The following SLC6A13 variants were observed in gnomAD, a reference collection of about 807,000 sequenced individuals.
SLC6A13 encodes the protein solute carrier family 6 member 13, also known as sodium- and chloride-dependent GABA transporter 2.
SLC6A13 carries 69 observed loss-of-function variants against 72.9 expected under a neutral mutation model. The observed-to-expected ratio is 0.95, with a 90% CI of 0.78 to 1.16. The LOEUF is 1.16. Among genes scored for constraint, SLC6A13 ranks in the 50% most tolerant of loss-of-function variants. The pLI, the probability that SLC6A13 is intolerant of heterozygous loss-of-function variation, is 0.00. For synonymous variants in SLC6A13, 303 were observed against 303.0 expected (o/e 1.00, Z 0.00); for missense variants, 735 against 760.5 (o/e 0.97, Z 0.39).
chr12:260,200 CT>C, intron 1 of SLC6A13, 143 bp from the exon 2 acceptor site: 1 of 821,976 alleles, frequency 1.2e-6, no homozygotes, highest in Non-Finnish European at 1.9e-6. Context: ...CCATGTCCTC[CT>C]TAGCAGTTCT....
At chr12:262,755 A>G in intron 1 of SLC6A13, 34 bp downstream of exon 1, 3 of 946,684 alleles carry the variant, frequency 3.2e-6, no homozygotes, top group Non-Finnish European at 3.8e-6. Context: ...TGAGACGCAG[A>G]AATAGAAAAA....
At chr12:248,058 CAAAT>C (rs1591856437) in intron 2 of SLC6A13, among the ~76,000 whole-genome samples, 1 of 151,238 alleles carries the variant, frequency 6.6e-6, no homozygotes, top group Non-Finnish European at 1.5e-5. Flanking sequence ...AAGGGGGAAA[CAAAT>C]AACTGATAGG....
chr12:233,193 T>C (rs1416671489), intron 7 of SLC6A13, among the ~76,000 whole-genome samples: 1 of 152,242 alleles, frequency 6.6e-6, no homozygotes, highest in East Asian at 1.9e-4. Context: ...GGGTGGTCTC[T>C]GCACCCAGGA....
At position 227,817 on chromosome 12, in the gene SLC6A13, G is replaced by A. The variant is rs779240515; in HGVS notation, c.832-149C>T. ...CCAACACTTGCATCCTGCTACCTCT[G>A]CTCACCCCAGTGGGCTCTACTCCCT... On this transcript the variant is annotated intron_variant, in intron 7 of 14. Coordinates refer to ENST00000343164, the MANE Select transcript of SLC6A13 (RefSeq NM_016615.5). 1.3e-4 allele frequency: 84 copies of A among 670,548 alleles called. 1 individual carries two copies. The highest frequency in any genetic ancestry group is 7.8e-4 in the Middle Eastern group (3 of 3,866). 41.5% of individuals were successfully genotyped at this position (670,548 alleles called of 1,614,324 possible).
intron 2 of SLC6A13, among the ~76,000 whole-genome samples, chr12:245,899 T>G (rs1942331029): frequency 6.6e-6 from 1 of 150,944 alleles, no homozygotes; most frequent in African/African-American, 2.4e-5. Context: ...AGGTGGATCA[T>G]GAGGTCAGGA....
chr12:238,486 G>C, intron 4 of SLC6A13: 1 of 442,856 alleles, frequency 2.3e-6, no homozygotes, highest in Non-Finnish European at 4.3e-6. Flanking sequence ...GTTTTGCTTC[G>C]CTCGTCTCTA....
At chr12:245,288 C>T (rs767702362) in intron 2 of SLC6A13, among the ~76,000 whole-genome samples, 3 of 152,268 alleles carry the variant, frequency 2.0e-5, no homozygotes, top group South Asian at 2.1e-4. Context: ...ATCCCTAGAC[C>T]GAGCACACTT....
intron 4 of SLC6A13, among the ~76,000 whole-genome samples, chr12:242,275 C>T (rs986954182): frequency 6.6e-6 from 1 of 152,138 alleles, no homozygotes; most frequent in Non-Finnish European, 1.5e-5. Context: ...GTTTGAAAGA[C>T]CTAAAACGTA....
chr12:223,133 G>A lies in SLC6A13; in HGVS notation c.1413C>T (p.Tyr471=), dbSNP rs146619869. 2.8e-4 allele frequency: 448 copies of A among 1,604,830 alleles called. 2 individuals are homozygous for A. The highest frequency in any genetic ancestry group is 3.5e-4 in the Non-Finnish European group (410 of 1,171,872). ...IFESLCVAWV[Y]GAKRFYDNIE... ...GGACCTAGGGGAGGAGTCACTCACC[G>A]TAAACCCAAGCCACACAGAGGGACT... The change falls in exon 12 of 15, where the codon TAC becomes TAT. Residue 471 remains tyrosine, a splice_region_variant and synonymous_variant. Transcript: ENST00000343164.
intron 2 of SLC6A13, among the ~76,000 whole-genome samples, chr12:248,566 T>C (rs1942435022): frequency 6.6e-6 from 1 of 151,996 alleles, no homozygotes; most frequent in Non-Finnish European, 1.5e-5. Flanking sequence ...ATCAAGAGGG[T>C]CAATTAATCA....
intron 4 of SLC6A13, among the ~76,000 whole-genome samples, chr12:240,438 G>C (rs949621496): frequency 2.0e-5 from 3 of 152,198 alleles, no homozygotes; most frequent in African/African-American, 7.2e-5. Flanking sequence ...CTCCTGAGCT[G>C]AGGCGATCCA....
Position 242,160 on chromosome 12 carries a change from C to G in SLC6A13, c.478+454G>C, listed in dbSNP as rs374452225. 1.2e-4 allele frequency among the ~76,000 whole-genome samples: 18 copies of G among 152,326 alleles called. No homozygotes were observed. In the East Asian group the frequency reaches 1.5e-3, roughly 13 times the overall value. The stretch of plus-strand genomic sequence containing the variant: ...TGACTGTAACTGCTATTATAAACCA[C>G]AGTGGACCCTTGAGCAACATGGATC... On this transcript the variant is annotated intron_variant, in intron 4 of 14. Transcript: ENST00000343164.
intron 2 of SLC6A13, among the ~76,000 whole-genome samples, chr12:257,655 C>T (rs764592391): frequency 1.2e-4 from 19 of 152,220 alleles, no homozygotes; most frequent in Non-Finnish European, 2.2e-4. Flanking sequence ...GGGTACTCTG[C>T]GTTCCCACAC....
At chr12:221,190 C>T (rs1350063245) in intron 14 of SLC6A13, 120 bp from the exon 15 acceptor site, 3 of 1,387,884 alleles carry the variant, frequency 2.2e-6, no homozygotes, top group Admixed American at 5.1e-5. Flanking sequence ...CATCACAGCC[C>T]CTGTCTGGGA....
chr12:251,320 T>A (rs1342279312), intron 2 of SLC6A13, among the ~76,000 whole-genome samples: 2 of 152,108 alleles, frequency 1.3e-5, no homozygotes, highest in African/African-American at 4.8e-5. Context: ...GACCCACATA[T>A]ATACAAATAA....
In SLC6A13 at chr12:221,512, G is replaced by A. The variant is rs778088247; in HGVS notation, c.1550C>T (p.Pro517Leu). Residue 517 changes from proline (P) to leucine (L), a missense_variant, in exon 14 of 15, where the codon CCG (proline) becomes CTG (leucine). Transcript: ENST00000343164. The part of the protein sequence containing the change: ...TFLFSLIKYT[P>L]LTYNKKYTYP... The stretch of plus-strand genomic sequence containing the variant: ...CGTGTACTTCTTGTTGTAGGTCAGC[G>A]GAGTGTACTTTATCAGGGAGAAGAG... 1.6e-5 allele frequency: 26 copies of A among 1,610,794 alleles called. No homozygotes were observed. Among genetic ancestry groups the A allele is most frequent in the South Asian group, 1.2e-4 (11 of 90,722 alleles).
chr12:251,143 A>G (rs927740198), intron 2 of SLC6A13, among the ~76,000 whole-genome samples: 1 of 150,516 alleles, frequency 6.6e-6, no homozygotes, highest in Non-Finnish European at 1.5e-5. Flanking sequence ...GCAACAGAGC[A>G]AGACTCTGTC....
intron 4 of SLC6A13, among the ~76,000 whole-genome samples, chr12:240,900 C>T (rs150287246): frequency 7.2e-4 from 109 of 152,308 alleles, no homozygotes; most frequent in Non-Finnish European, 1.4e-3. Context: ...GGTGGTGACA[C>T]AGACAGGAGT....
At chr12:224,263 C>A in intron 10 of SLC6A13, 134 bp from the exon 11 acceptor site, 2 of 1,399,254 alleles carry the variant, frequency 1.4e-6, no homozygotes, top group Non-Finnish European at 2.0e-6. Flanking sequence ...TTGTCCTTGC[C>A]TGGTTAGGTC....
Sources: allele counts gnomAD v4.1 joint callset (sites outside exome capture counted in the v4.1 genomes callset), GRCh38; gene constraint gnomAD v4.1.1; transcripts MANE v1.5; gene names NCBI Gene and HGNC (gene_info 2026-07-23, HGNC 2026-07-21).